Variants in OSBPL9 observed in about 807,000 individuals in gnomAD.
The protein encoded by OSBPL9 is oxysterol-binding protein-related protein 9.
A neutral mutation model predicts 106.6 loss-of-function variants in OSBPL9; 40 were observed. The observed-to-expected ratio is 0.38, with a 90% CI of 0.29 to 0.49. OSBPL9 has a LOEUF of 0.49. Ranked by LOEUF, OSBPL9 falls within the 20% of genes least tolerant of loss-of-function variation. The pLI is 0.97. For synonymous variants in OSBPL9, 269 were observed against 295.4 expected (o/e 0.91, Z 0.92); for missense variants, 609 against 887.2 (o/e 0.69, Z 3.98).
Position 51,748,352 on chromosome 1 carries a change from C to T in OSBPL9, c.463-17C>T. 6.6e-7 allele frequency: 1 copy of T among 1,517,838 alleles called. No individual in the cohort carries two copies. The highest frequency in any genetic ancestry group is 1.4e-5 in the South Asian group (1 of 73,956). 94.0% of individuals were successfully genotyped at this position (1,517,838 alleles called of 1,614,324 possible). On this transcript the variant is annotated splice_polypyrimidine_tract_variant and intron_variant, in intron 6 of 23. Coordinates refer to ENST00000428468, the MANE Select transcript of OSBPL9 (RefSeq NM_024586.6). ...GTGCTTCTGATTATTTCTGTTTAAA[C>T]TTATTATTTTTCACAGAAAATTGAA...
At chr1:51,535,463 A>G in the OSBPL9 span, among the ~76,000 whole-genome samples, 1 of 152,112 alleles carries the variant, frequency 6.6e-6, no homozygotes, top group Non-Finnish European at 1.5e-5. Flanking sequence ...TTTTGGCTCC[A>G]TTTCTCTGCT....
intron 5 of OSBPL9, among the ~76,000 whole-genome samples, chr1:51,745,856 A>G (rs1667867442): frequency 6.6e-6 from 1 of 152,094 alleles, no homozygotes; most frequent in Non-Finnish European, 1.5e-5. Context: ...CATTAAGAAA[A>G]AAAAGGTAAA....
chr1:51,750,720 G>A (rs1392329773), intron 8 of OSBPL9, among the ~76,000 whole-genome samples: 1 of 151,972 alleles, frequency 6.6e-6, no homozygotes, highest in African/African-American at 2.4e-5. Context: ...AAAAATTTTG[G>A]TGTATTCAAC....
the OSBPL9 span, among the ~76,000 whole-genome samples, chr1:51,529,403 A>G: frequency 6.6e-6 from 1 of 151,844 alleles, no homozygotes; most frequent in Non-Finnish European, 1.5e-5. Context: ...ATGCCTGGCT[A>G]ATTTTTTGTT....
At chr1:51,724,517 C>G (rs1662757784) in intron 4 of OSBPL9, among the ~76,000 whole-genome samples, 1 of 152,038 alleles carries the variant, frequency 6.6e-6, no homozygotes, top group African/African-American at 2.4e-5. Flanking sequence ...AACTCCTGAC[C>G]TCGTGATTCG....
chr1:51,597,012 G>T (rs879289291), intron 1 of OSBPL9, among the ~76,000 whole-genome samples: 56 of 152,284 alleles, frequency 3.7e-4, no homozygotes, highest in African/African-American at 1.2e-3. Flanking sequence ...GGTCAGGGAG[G>T]TCCTCCTTGA....
chr1:51,719,798 A>T (rs1014005789), intron 4 of OSBPL9, among the ~76,000 whole-genome samples: 6 of 152,242 alleles, frequency 3.9e-5, no homozygotes, highest in African/African-American at 1.4e-4. Context: ...TCCAAAAGAA[A>T]ATTTCAAGTT....
At chr1:51,600,504 T>C (rs1645321281) in intron 2 of OSBPL9, among the ~76,000 whole-genome samples, 1 of 151,998 alleles carries the variant, frequency 6.6e-6, no homozygotes, top group Non-Finnish European at 1.5e-5. Flanking sequence ...GATTCATTAT[T>C]ATATATTCAT....
At chr1:51,599,857 G>T (rs1645318797) in intron 2 of OSBPL9, among the ~76,000 whole-genome samples, 2 of 152,302 alleles carry the variant, frequency 1.3e-5, no homozygotes, top group Admixed American at 1.3e-4. Flanking sequence ...TGGAGGCTGG[G>T]ACGTCCAAGA....
the OSBPL9 span, among the ~76,000 whole-genome samples, chr1:51,532,959 TTAA>T: frequency 6.6e-6 from 1 of 152,194 alleles, no homozygotes; most frequent in East Asian, 1.9e-4. Flanking sequence ...TAGATTATTA[TTAA>T]TAATTGGTAA....
At chr1:51,642,037 T>C (rs1645831445) in intron 1 of OSBPL9, among the ~76,000 whole-genome samples, 1 of 152,166 alleles carries the variant, frequency 6.6e-6, no homozygotes, top group African/African-American at 2.4e-5. Flanking sequence ...TTTTTTTTCC[T>C]TTGAGGCAGG....
upstream of OSBPL9, among the ~76,000 whole-genome samples, chr1:51,615,687 T>C (rs1227993487): frequency 1.3e-5 from 2 of 152,186 alleles, no homozygotes; most frequent in Non-Finnish European, 2.9e-5. Flanking sequence ...TGCCTCATCT[T>C]TTAGTTTCCT....
chr1:51,602,614 A>C (rs1645330122), intron 2 of OSBPL9, among the ~76,000 whole-genome samples: 1 of 150,672 alleles, frequency 6.6e-6, no homozygotes, highest in Admixed American at 6.6e-5. Context: ...TTTTTTGTAG[A>C]GACGAGGAGT....
chr1:51,729,641 A>C lies in OSBPL9; in HGVS notation c.318+15562A>C. The C allele has an allele frequency of 3.6e-6, 1 of 279,734 alleles. No homozygotes were observed. The highest frequency in any genetic ancestry group is 6.3e-6 in the Non-Finnish European group (1 of 159,634). 17.3% of individuals were successfully genotyped at this position (279,734 alleles called of 1,614,324 possible). ...CTGCGCACCCCTCCCGCGAGCTGCC[A>C]GCTCCCTCGGCCTCTCCACCCAAAA... On this transcript the variant is annotated intron_variant, in intron 4 of 23. Coordinates refer to ENST00000428468, the MANE Select transcript of OSBPL9 (RefSeq NM_024586.6). This position sits in a 1 kb window ranked among gnomAD's most constrained non-coding sequence, Gnocchi z 5.1.
chr1:51,641,817 A>G (rs1645811178), intron 1 of OSBPL9, among the ~76,000 whole-genome samples: 1 of 152,216 alleles, frequency 6.6e-6, no homozygotes, highest in Admixed American at 6.5e-5. Flanking sequence ...GTTTAGATCT[A>G]CAGAATAAAT....
At chr1:51,662,891 C>CCTG (rs1275762450) in intron 2 of OSBPL9, among the ~76,000 whole-genome samples, 1 of 151,784 alleles carries the variant, frequency 6.6e-6, no homozygotes, top group Non-Finnish European at 1.5e-5. Flanking sequence ...ACTACAGGCG[C>CCTG]CCACCACCAG....
At chr1:51,713,981 A>G in intron 3 of OSBPL9, 22 bp from the exon 4 acceptor site, 1 of 1,565,368 alleles carries the variant, frequency 6.4e-7, no homozygotes, top group Non-Finnish European at 8.7e-7. Flanking sequence ...TTTTAATTTT[A>G]ATGTATAATC....
intron 4 of OSBPL9, chr1:51,745,203 C>A: frequency 5.0e-6 from 1 of 201,554 alleles, no homozygotes; most frequent in Non-Finnish European, 1.0e-5. Context: ...TGTTTATGTT[C>A]CTTTGTTAAA....
rs775225584 is a variant in OSBPL9, at chr1:51,729,975, A to T, written c.319-15561A>T. 9.1e-6 allele frequency: 12 copies of T among 1,316,638 alleles called. No homozygotes were observed. The highest frequency in any genetic ancestry group is 1.5e-5 in the African/African-American group (1 of 66,384). The allele number at this position is 1,316,638 out of a possible 1,614,324, so 81.6% of individuals were successfully genotyped here. ...GCACAGAGGGCGGGGGCCTTGGCGA[A>T]TGGCTTTCTTGCTGGCCACTTGCGG... is the stretch of plus-strand genomic sequence containing the variant. On this transcript the variant is annotated intron_variant, in intron 4 of 23. Coordinates refer to ENST00000428468, the MANE Select transcript of OSBPL9 (RefSeq NM_024586.6). This position sits in a 1 kb window ranked among gnomAD's most constrained non-coding sequence, Gnocchi z 5.1.
Sources: gnomAD v4.1 joint callset for allele counts (sites outside exome capture counted in the v4.1 genomes callset) on GRCh38, gnomAD v4.1.1 for gene constraint, Gnocchi (gnomAD v3.1) non-coding constraint, MANE v1.5 for transcripts, NCBI Gene and HGNC (gene_info 2026-07-23, HGNC 2026-07-21) for gene names.